IL6ST: variants seen among roughly 807,000 people sequenced by gnomAD.
The protein encoded by IL6ST is interleukin 6 cytokine family signal transducer.
IL6ST carries 24 observed loss-of-function variants against 91.3 expected under a neutral mutation model. That is an observed-to-expected ratio of 0.26 (90% CI 0.19 to 0.37). IL6ST has a LOEUF of 0.37. IL6ST is among the 10% of genes least tolerant of loss of function. The pLI, the probability that IL6ST is intolerant of heterozygous loss-of-function variation, is 1.00. For synonymous variants in IL6ST, 351 were observed against 373.6 expected, an observed-to-expected ratio of 0.94 and a Z score of 0.70; for missense variants, 914 against 1,078.5, an observed-to-expected ratio of 0.85 and a Z score of 2.14.
chr5:55,956,976 G>A (rs1384114252), intron 9 of IL6ST, among the ~76,000 whole-genome samples: 2 of 152,042 alleles, frequency 1.3e-5, no homozygotes, highest in African/African-American at 2.4e-5. Context: ...TGGCCACCGT[G>A]GTGAAACCCT....
intron 15 of IL6ST, 56 bp downstream of exon 15, chr5:55,947,437 A>G (rs1461363105): frequency 4.3e-6 from 4 of 924,358 alleles, no homozygotes; most frequent in Non-Finnish European, 6.9e-6. Flanking sequence ...TATTGCATGT[A>G]AATTCAGCTC....
chr5:55,986,557 A>G (rs1753983257), intron 1 of IL6ST, among the ~76,000 whole-genome samples: 1 of 152,158 alleles, frequency 6.6e-6, no homozygotes, highest in South Asian at 2.1e-4. Context: ...GACCATTTAC[A>G]TTTAATATAA....
intron 7 of IL6ST, among the ~76,000 whole-genome samples, chr5:55,962,545 G>A (rs190392129): frequency 4.6e-5 from 7 of 152,224 alleles, no homozygotes; most frequent in Admixed American, 3.9e-4. Context: ...CTATAAAAAG[G>A]TAGATAAAAT....
At chr5:55,991,352 G>C (rs543631541) in intron 1 of IL6ST, among the ~76,000 whole-genome samples, 1 of 152,140 alleles carries the variant, frequency 6.6e-6, no homozygotes, top group African/African-American at 2.4e-5. Context: ...AACTGCCTAA[G>C]TCAATGGAGT....
chr5:55,983,051 G>C (rs1753752865), intron 1 of IL6ST, among the ~76,000 whole-genome samples: 1 of 149,204 alleles, frequency 6.7e-6, no homozygotes, highest in South Asian at 2.1e-4. Flanking sequence ...CCAGGCTGCA[G>C]TGCAGTAGCA....
intron 3 of IL6ST, among the ~76,000 whole-genome samples, chr5:55,970,507 G>A (rs1269099225): frequency 6.6e-6 from 1 of 151,978 alleles, no homozygotes; most frequent in Non-Finnish European, 1.5e-5. Flanking sequence ...GGCAACATAG[G>A]GAGATGCCAT....
chr5:55,976,804 A>G (rs1309386199), intron 2 of IL6ST, among the ~76,000 whole-genome samples: 1 of 152,244 alleles, frequency 6.6e-6, no homozygotes, highest in Non-Finnish European at 1.5e-5. Flanking sequence ...TAAATCAAGC[A>G]TGTGAAAAGA....
At chr5:55,991,242 T>G (rs1754312789) in intron 1 of IL6ST, among the ~76,000 whole-genome samples, 2 of 152,244 alleles carry the variant, frequency 1.3e-5, no homozygotes, top group Admixed American at 1.3e-4. Context: ...TTTATAATCC[T>G]TTGGGTATAT....
chr5:55,968,293 G>T lies in IL6ST; in HGVS notation c.474C>A (p.Phe158Leu). The stretch of plus-strand genomic sequence containing the variant: ...TAACGTACCATTCAGATTTTAAAGT[G>T]AAGTTTGTCTCCAAGTGTGTTTCCC... ...GGRETHLETN[F>L]TLKSEWATHK... Residue 158 changes from phenylalanine to leucine, a missense_variant, in exon 5 of 17, where the codon TTC becomes TTA. Coordinates refer to ENST00000381298, the MANE Select transcript of IL6ST (RefSeq NM_002184.4). The T allele has an allele frequency of 6.3e-7, 1 of 1,589,506 alleles. No individual in the cohort carries two copies. The highest frequency in any genetic ancestry group is 1.2e-5 in the South Asian group (1 of 86,540).
chr5:55,985,291 A>C (rs1753896954), intron 1 of IL6ST, among the ~76,000 whole-genome samples: 1 of 152,100 alleles, frequency 6.6e-6, no homozygotes, highest in Admixed American at 6.6e-5. Flanking sequence ...CGAAGTGGGT[A>C]GATCACCTGA....
intron 1 of IL6ST, among the ~76,000 whole-genome samples, chr5:55,989,337 T>C (rs1334834132): frequency 6.6e-6 from 1 of 152,070 alleles, no homozygotes; most frequent in African/African-American, 2.4e-5. Context: ...ATAAATAGTA[T>C]TGGGACAACT....
intron 7 of IL6ST, among the ~76,000 whole-genome samples, chr5:55,962,304 A>G (rs1371903985): frequency 6.6e-6 from 1 of 152,214 alleles, no homozygotes; most frequent in African/African-American, 2.4e-5. Context: ...CATTAGCCCA[A>G]TTCCCTAACA....
intron 5 of IL6ST, 103 bp downstream of exon 5, chr5:55,968,173 G>A: frequency 9.5e-7 from 1 of 1,049,330 alleles, no homozygotes. Flanking sequence ...AAAATTAAAT[G>A]TTTTAAAATA....
intron 15 of IL6ST, among the ~76,000 whole-genome samples, chr5:55,945,042 A>AAC (rs1409548461): frequency 1.5e-5 from 2 of 136,102 alleles, no homozygotes; most frequent in Admixed American, 7.1e-5. Context: ...AATTAAATCA[A>AAC]AAAAAAAAAA....
At chr5:55,943,477 T>C (rs577772860) in intron 15 of IL6ST, among the ~76,000 whole-genome samples, 1 of 152,186 alleles carries the variant, frequency 6.6e-6, no homozygotes, top group Non-Finnish European at 1.5e-5. Context: ...GCCAGTATTA[T>C]CCTGATTTTA....
rs956910598 is a variant in IL6ST, at chr5:55,938,565, G to A, written c.*2517C>T. The A allele has an allele frequency of 1.0e-5, 2 of 197,562 alleles. No homozygotes were observed. The highest frequency in any genetic ancestry group is 2.1e-5 in the Non-Finnish European group (2 of 95,520). 12.2% of individuals were successfully genotyped at this position (197,562 alleles called of 1,614,324 possible). ...TAGTTTTGTCCAGACAAGGTTTTCT[G>A]ATGTGCTATTACTTTAAACACCACT... is the stretch of plus-strand genomic sequence containing the variant. On this transcript the variant is annotated 3_prime_UTR_variant, in exon 17 of 17. Transcript: ENST00000381298.
In IL6ST at chr5:55,952,276, G is replaced by A; in HGVS notation, c.1526C>T (p.Ser509Phe). 1 of 1,610,258 alleles carries A rather than the reference G, an allele frequency of 6.2e-7. No individual in the cohort carries two copies. ...AGCTTGTTTAAGGTATGCCTTTATGGATTCAGGGCTTCCTGGTCCATCAGC... is the reference window on the plus strand; with the variant it reads ...AGCTTGTTTAAGGTATGCCTTTATGAATTCAGGGCTTCCTGGTCCATCAGC... ...VYADGPGSPE[S>F]IKAYLKQAPP... Residue 509 changes from serine to phenylalanine, a missense_variant, in exon 12 of 17, where the codon TCC becomes TTC. By Grantham distance (155) the Ser-to-Phe change is radical. Coordinates refer to ENST00000381298, the MANE Select transcript of IL6ST (RefSeq NM_002184.4).
intron 6 of IL6ST, among the ~76,000 whole-genome samples, chr5:55,963,738 A>G (rs1335749718): frequency 6.6e-6 from 1 of 152,196 alleles, no homozygotes; most frequent in Non-Finnish European, 1.5e-5. Flanking sequence ...CTTCAGGTTC[A>G]TATGTCAAAA....
At chr5:55,970,168 C>T (rs1752879144) in intron 3 of IL6ST, among the ~76,000 whole-genome samples, 1 of 152,184 alleles carries the variant, frequency 6.6e-6, no homozygotes, top group African/African-American at 2.4e-5. Context: ...TGCCCCACAA[C>T]GTATCCTGTC....
Sources: gnomAD v4.1 joint callset for allele counts (sites outside exome capture counted in the v4.1 genomes callset) on GRCh38, gnomAD v4.1.1 for gene constraint, MANE v1.5 for transcripts, NCBI Gene and HGNC (gene_info 2026-07-23, HGNC 2026-07-21) for gene names.